Variants in RPS6KC1 observed in about 807,000 individuals in gnomAD.
RPS6KC1 encodes the protein inactive ribosomal protein S6 kinase delta-1.
RPS6KC1 carries 54 observed loss-of-function variants against 103.8 expected under a neutral mutation model. The observed-to-expected ratio is 0.52, with a 90% CI of 0.42 to 0.65. The LOEUF is 0.65. Ranked by LOEUF, RPS6KC1 falls within the 30% of genes least tolerant of loss-of-function variation. The pLI is 0.00. For synonymous variants in RPS6KC1, 439 were observed against 438.7 expected (o/e 1.00, Z -0.01); for missense variants, 1,151 against 1,253.8 (o/e 0.92, Z 1.24).
the RPS6KC1 span, among the ~76,000 whole-genome samples, chr1:213,839,310 A>T: frequency 6.6e-6 from 1 of 152,200 alleles, no homozygotes; most frequent in Non-Finnish European, 1.5e-5. Context: ...TCATAAGTGC[A>T]TCTCTCTGCT....
At chr1:213,383,615 C>T in the RPS6KC1 span, among the ~76,000 whole-genome samples, 3 of 152,138 alleles carry the variant, frequency 2.0e-5, no homozygotes, top group Non-Finnish European at 1.5e-5. Flanking sequence ...TTCAGTATGA[C>T]TGTATTTGGA....
At chr1:213,654,067 A>C in the RPS6KC1 span, among the ~76,000 whole-genome samples, 1 of 152,228 alleles carries the variant, frequency 6.6e-6, no homozygotes, top group African/African-American at 2.4e-5. Context: ...GCTAGAACCA[A>C]CGCCAGATGG....
rs146171405 is a variant in RPS6KC1, at chr1:213,169,842, C to T, written c.951+1869C>T. 9.7e-3 allele frequency among the ~76,000 whole-genome samples: 1,379 copies of T among 142,722 alleles called. 42 individuals carry two copies. The highest frequency in any genetic ancestry group is 0.073 in the East Asian group (358 of 4,874). 93.6% of individuals were successfully genotyped at this position (142,722 alleles called of 152,430 possible). A position where few individuals can be genotyped will look rare whatever the true frequency, so the allele number is the denominator to read the frequency against. On this transcript the variant is annotated intron_variant, in intron 7 of 14. Transcript: ENST00000366960. ...TGTCACCCAGGCTGGAGTGCAGTGG[C>T]GCGATCTCAGCTCACTGTAACCTCC... is the stretch of plus-strand genomic sequence containing the variant.
the RPS6KC1 span, among the ~76,000 whole-genome samples, chr1:213,812,789 A>G: frequency 3.9e-5 from 6 of 152,118 alleles, no homozygotes; most frequent in African/African-American, 1.4e-4. Flanking sequence ...TCCTCTTCCT[A>G]TACCTGGCCC....
chr1:213,804,173 TAA>T, the RPS6KC1 span, among the ~76,000 whole-genome samples: 284 of 57,866 alleles, frequency 4.9e-3, no homozygotes, highest in East Asian at 0.015. Context: ...TGGCTAATCT[TAA>T]AAAAAAAAAA....
At chr1:213,744,928 C>A in the RPS6KC1 span, among the ~76,000 whole-genome samples, 138 of 152,348 alleles carry the variant, frequency 9.1e-4, no homozygotes, top group African/African-American at 3.3e-3. Context: ...GATAAGCAGA[C>A]CTAGGGCTCT....
the RPS6KC1 span, among the ~76,000 whole-genome samples, chr1:213,364,500 G>A: frequency 6.6e-6 from 1 of 152,184 alleles, no homozygotes; most frequent in African/African-American, 2.4e-5. Flanking sequence ...ACAACCTGTG[G>A]TGATCCCAGG....
intron 7 of RPS6KC1, among the ~76,000 whole-genome samples, chr1:213,169,545 A>G (rs1221465579): frequency 6.6e-6 from 1 of 151,664 alleles, no homozygotes; most frequent in Non-Finnish European, 1.5e-5. Context: ...TTACTTTTTC[A>G]CCATTGAATT....
the RPS6KC1 span, among the ~76,000 whole-genome samples, chr1:213,638,254 T>A: frequency 6.6e-6 from 1 of 152,162 alleles, no homozygotes; most frequent in African/African-American, 2.4e-5. Context: ...TTTCTTATTG[T>A]TGAGTTTTGA....
At chr1:213,437,313 T>C in the RPS6KC1 span, among the ~76,000 whole-genome samples, 1 of 152,228 alleles carries the variant, frequency 6.6e-6, no homozygotes, top group Admixed American at 6.5e-5. Flanking sequence ...ATAAATTGCA[T>C]TGACTGATGT....
At chr1:213,264,804 A>G (rs1032013732) in intron 14 of RPS6KC1, among the ~76,000 whole-genome samples, 1 of 152,144 alleles carries the variant, frequency 6.6e-6, no homozygotes. Context: ...TTATATGGAA[A>G]TAATTCTACG....
At chr1:213,796,132 C>A in the RPS6KC1 span, among the ~76,000 whole-genome samples, 1 of 152,196 alleles carries the variant, frequency 6.6e-6, no homozygotes, top group Non-Finnish European at 1.5e-5. Flanking sequence ...CATGCCCCCT[C>A]CAAAGGGATG....
chr1:213,619,952 G>T, the RPS6KC1 span, among the ~76,000 whole-genome samples: 2 of 152,274 alleles, frequency 1.3e-5, no homozygotes, highest in South Asian at 2.1e-4. Flanking sequence ...TGAGCTTAGG[G>T]TCATTAATTT....
At chr1:213,424,975 AT>A in the RPS6KC1 span, among the ~76,000 whole-genome samples, 1 of 152,124 alleles carries the variant, frequency 6.6e-6, no homozygotes, top group African/African-American at 2.4e-5. Context: ...CCACCCTCAC[AT>A]AGCCAGCCAC....
chr1:213,550,928 C>T, the RPS6KC1 span, among the ~76,000 whole-genome samples: 8 of 152,160 alleles, frequency 5.3e-5, no homozygotes, highest in African/African-American at 7.2e-5. Flanking sequence ...CTACTGTTCC[C>T]GGGTTTCCTG....
chr1:213,759,233 T>TATCA, the RPS6KC1 span, among the ~76,000 whole-genome samples: 1 of 152,102 alleles, frequency 6.6e-6, no homozygotes, highest in Non-Finnish European at 1.5e-5. Context: ...AGTTTTTTTT[T>TATCA]ATCAGTAAAG....
Position 213,129,886 on chromosome 1 carries a change from C to T in RPS6KC1, c.832C>T (p.Gln278Ter). 1 of 1,592,728 alleles carries T rather than the reference C, an allele frequency of 6.3e-7. No homozygotes were observed. Among genetic ancestry groups the T allele is most frequent in the Non-Finnish European group, 8.5e-7 (1 of 1,174,686 alleles). ...AGTTGATTTACTCCTAGAAGGTGTT[C>T]AAGGTATGGTTTTATGTATATTATG... ...KGVDLLLEGV[Q>*]GESSPTRREA... Residue 278 changes from glutamine (Q) to a stop codon, truncating the protein, a stop_gained, in exon 6 of 15, where the codon CAA becomes TAA. Transcript: ENST00000366960. LOFTEE classifies it high-confidence loss of function.
the RPS6KC1 span, among the ~76,000 whole-genome samples, chr1:213,366,176 A>G: frequency 2.0e-5 from 3 of 152,206 alleles, no homozygotes; most frequent in Admixed American, 6.5e-5. Flanking sequence ...AGAGGGGTGG[A>G]CTAGGGACCA....
the RPS6KC1 span, among the ~76,000 whole-genome samples, chr1:213,847,129 A>G: frequency 6.6e-6 from 1 of 152,192 alleles, no homozygotes; most frequent in Admixed American, 6.5e-5. Flanking sequence ...CTGCAGTACA[A>G]TTATTGAAGA....
Sources: allele counts gnomAD v4.1 joint callset (sites outside exome capture counted in the v4.1 genomes callset), GRCh38; gene constraint gnomAD v4.1.1; transcripts MANE v1.5; gene names NCBI Gene and HGNC (gene_info 2026-07-23, HGNC 2026-07-21).